Variants in WASF3 observed in about 807,000 individuals in gnomAD.
The protein encoded by WASF3 is actin-binding protein WASF3.
A neutral mutation model predicts 46.6 loss-of-function variants in WASF3; 11 were observed. That is an observed-to-expected ratio of 0.24 (90% confidence interval 0.15 to 0.39). The LOEUF (loss-of-function observed/expected upper bound fraction) is 0.39, where lower values mean the gene tolerates loss of function less well. Among genes scored for constraint, WASF3 ranks in the 10% least tolerant of loss-of-function variants. The pLI, the probability that WASF3 is intolerant of heterozygous loss-of-function variation, is 1.00. For missense variants in WASF3, 576 were observed against 669.8 expected, an observed-to-expected ratio of 0.86 and a Z score of 1.55; for synonymous variants, 242 against 259.7, an observed-to-expected ratio of 0.93 and a Z score of 0.65.
At chr13:26,643,440 T>A (rs1882060133) in intron 3 of WASF3, among the ~76,000 whole-genome samples, 1 of 152,188 alleles carries the variant, frequency 6.6e-6, no homozygotes, top group Non-Finnish European at 1.5e-5. Context: ...ACGGATATAT[T>A]TTTAATAATA....
chr13:26,665,084 A>C lies in WASF3; in HGVS notation c.190A>C (p.Ile64Leu). The C allele has an allele frequency of 6.2e-7, 1 of 1,614,218 alleles. No individual in the cohort carries two copies. The highest frequency in any genetic ancestry group is 8.5e-7 in the Non-Finnish European group (1 of 1,180,022). The stretch of plus-strand genomic sequence containing the variant: ...GTTTAATGAGGCTAACAACTTCTAC[A>C]TCAGAGCAAATTCTCTTCAAGACAG... ...ELFNEANNFYIRANSLQDRID... is the reference protein window; with the variant it reads ...ELFNEANNFYLRANSLQDRID... The change falls in exon 4 of 10, where the codon ATC becomes CTC. Residue 64 changes from isoleucine to leucine, a missense_variant. Around this residue, in one of 3 missense-constraint regions of WASF3, gnomAD observed 213 missense variants for 278.0 expected, o/e 0.77. Transcript: ENST00000335327.
intron 9 of WASF3, among the ~76,000 whole-genome samples, chr13:26,684,337 A>G (rs968401644): frequency 2.0e-5 from 3 of 152,028 alleles, no homozygotes; most frequent in Non-Finnish European, 4.4e-5. Flanking sequence ...TCTGTATCTA[A>G]TCTCGAGGAA....
intron 2 of WASF3, among the ~76,000 whole-genome samples, chr13:26,625,280 A>T (rs911359823): frequency 6.6e-6 from 1 of 152,086 alleles, no homozygotes; most frequent in Non-Finnish European, 1.5e-5. Context: ...TTATGAGGAG[A>T]TTTATTATGG....
At chr13:26,664,295 C>CA (rs889789046) in intron 3 of WASF3, among the ~76,000 whole-genome samples, 82 of 152,322 alleles carry the variant, frequency 5.4e-4, no homozygotes, top group African/African-American at 1.8e-3. Context: ...CTTGCACACT[C>CA]AGAGTAGGCA....
chr13:26,636,655 C>T (rs923010395), intron 2 of WASF3, among the ~76,000 whole-genome samples: 1 of 152,188 alleles, frequency 6.6e-6, no homozygotes, highest in African/African-American at 2.4e-5. Flanking sequence ...TGGAACAGAA[C>T]TTATTTTTAT....
At chr13:26,609,744 G>A (rs1285063180) in intron 1 of WASF3, 4 of 152,090 alleles carry the variant, frequency 2.6e-5, no homozygotes, top group African/African-American at 7.2e-5. Context: ...GGATTTTAGC[G>A]GGGAGAGGTC....
chr13:26,565,327 C>T (rs1047346736), intron 1 of WASF3, among the ~76,000 whole-genome samples: 6 of 152,028 alleles, frequency 3.9e-5, no homozygotes, highest in African/African-American at 7.2e-5. Context: ...GGGCAACTTA[C>T]AAGTATGTTT....
intron 9 of WASF3, among the ~76,000 whole-genome samples, chr13:26,684,286 T>TA (rs1197592726): frequency 1.3e-5 from 2 of 151,948 alleles, no homozygotes; most frequent in Non-Finnish European, 2.9e-5. Flanking sequence ...TTTTTTTTTT[T>TA]AACACCTTAT....
At chr13:26,669,945 T>TC (rs1882882268) in intron 5 of WASF3, among the ~76,000 whole-genome samples, 1 of 152,232 alleles carries the variant, frequency 6.6e-6, no homozygotes, top group South Asian at 2.1e-4. Context: ...GAAGACTGTG[T>TC]GGTGATTCCT....
intron 1 of WASF3, among the ~76,000 whole-genome samples, chr13:26,566,192 A>G (rs1414009717): frequency 1.3e-5 from 2 of 152,220 alleles, no homozygotes; most frequent in Non-Finnish European, 2.9e-5. Context: ...GAACAGTTAC[A>G]TAACTTAGAT....
intron 1 of WASF3, among the ~76,000 whole-genome samples, chr13:26,599,772 G>A (rs1203752667): frequency 1.3e-5 from 2 of 152,156 alleles, no homozygotes; most frequent in African/African-American, 4.8e-5. Flanking sequence ...CTTACTTCCT[G>A]TAGGTTTCTT....
At chr13:26,671,630 A>G (rs1404080726) in intron 5 of WASF3, among the ~76,000 whole-genome samples, 1 of 152,068 alleles carries the variant, frequency 6.6e-6, no homozygotes, top group Non-Finnish European at 1.5e-5. Context: ...AATTTTCTAT[A>G]CTCAATTCTA....
At chr13:26,669,824 A>G (rs1268600734) in intron 5 of WASF3, among the ~76,000 whole-genome samples, 1 of 146,386 alleles carries the variant, frequency 6.8e-6, no homozygotes, top group African/African-American at 2.5e-5. Flanking sequence ...TAAGTGACGG[A>G]AAAATTAAGT....
At chr13:26,558,282 C>G (rs191037157) in intron 1 of WASF3, among the ~76,000 whole-genome samples, 1 of 152,180 alleles carries the variant, frequency 6.6e-6, no homozygotes, top group Non-Finnish European at 1.5e-5. Context: ...TGGTCCAGCT[C>G]CGCGTGCCCC....
In WASF3 at chr13:26,679,516, T is replaced by C. The variant is rs1375061838; in HGVS notation, c.717-1538T>C. ...TTGATAGGGATCGCCCTCCTAGTTA[T>C]GCCACAGTATTTATAGTTTCCTACC... On this transcript the variant is annotated intron_variant, in intron 7 of 9. Coordinates refer to ENST00000335327, the MANE Select transcript of WASF3 (RefSeq NM_006646.6). This position sits in a 1 kb window ranked among gnomAD's most constrained non-coding sequence, Gnocchi z 4.8. 2.0e-5 allele frequency among the ~76,000 whole-genome samples: 3 copies of C among 152,210 alleles called. No homozygotes were observed. Among genetic ancestry groups the C allele is most frequent in the Admixed American group, 6.5e-5 (1 of 15,284 alleles).
chr13:26,660,517 C>A (rs1373877539), intron 3 of WASF3, among the ~76,000 whole-genome samples: 2 of 151,628 alleles, frequency 1.3e-5, no homozygotes, highest in Non-Finnish European at 2.9e-5. Flanking sequence ...AGTGATAGGG[C>A]AAAAACAGGA....
chr13:26,592,008 C>T (rs1039873432), intron 1 of WASF3, among the ~76,000 whole-genome samples: 7 of 147,086 alleles, frequency 4.8e-5, no homozygotes, highest in African/African-American at 1.3e-4. Flanking sequence ...TTCAAAAGGA[C>T]CTCAAAGGAG....
intron 2 of WASF3, among the ~76,000 whole-genome samples, chr13:26,629,076 G>A (rs1188085838): frequency 6.6e-6 from 1 of 152,196 alleles, no homozygotes; most frequent in African/African-American, 2.4e-5. Flanking sequence ...CCTGTCGATG[G>A]GCCCACGCTC....
chr13:26,556,733 T>C (rs1433666041), upstream of WASF3, among the ~76,000 whole-genome samples: 2 of 152,238 alleles, frequency 1.3e-5, no homozygotes, highest in African/African-American at 2.4e-5. Context: ...TTGATCATTA[T>C]TACACATCTG....
Sources: allele counts gnomAD v4.1 joint callset (sites outside exome capture counted in the v4.1 genomes callset), GRCh38; gene constraint gnomAD v4.1.1; regional missense constraint gnomAD v4.1.1; non-coding constraint Gnocchi (gnomAD v3.1); transcripts MANE v1.5; gene names NCBI Gene and HGNC (gene_info 2026-07-23, HGNC 2026-07-21).